Variants in TARS1 observed in about 807,000 individuals in gnomAD.
TARS1 encodes the protein threonyl-tRNA synthetase 1.
A neutral mutation model predicts 97.7 loss-of-function variants in TARS1; 57 were observed. That is an observed-to-expected ratio of 0.58 (90% CI 0.47 to 0.73). TARS1 has a LOEUF of 0.73. TARS1 is among the 30% of genes least tolerant of loss of function. TARS1 has a pLI of 0.00. For missense variants in TARS1, 806 were observed against 888.3 expected (o/e 0.91, Z 1.18); for synonymous variants, 312 against 293.7 (o/e 1.06, Z -0.64).
At position 33,466,966 on chromosome 5, in the gene TARS1, A is replaced by AC; in HGVS notation, c.2005dup (p.Gln669ProfsTer3). The AC allele has an allele frequency of 6.3e-7, 1 of 1,578,724 alleles. No individual in the cohort carries two copies. The highest frequency in any genetic ancestry group is 1.2e-5 in the South Asian group (1 of 85,388). ...AAAAGATTCGAAATGCACAGTTAGC[A>AC]CAGTATAACTTCATTTTAGGTAAGA... On this transcript the variant is annotated frameshift_variant, in exon 18 of 19. Transcript: ENST00000265112. LOFTEE classifies it low-confidence loss of function (END_TRUNC).
intron 10 of TARS1, among the ~76,000 whole-genome samples, chr5:33,458,942 A>G (rs1477128456): frequency 6.6e-6 from 1 of 152,164 alleles, no homozygotes; most frequent in Non-Finnish European, 1.5e-5. Flanking sequence ...CTTTGAAAAA[A>G]CGGTTTTTAC....
intron 1 of TARS1, among the ~76,000 whole-genome samples, chr5:33,442,596 T>TGCGATC (rs1031631700): frequency 1.3e-5 from 2 of 152,074 alleles, no homozygotes; most frequent in Non-Finnish European, 2.9e-5. Flanking sequence ...AGTGCCGTGG[T>TGCGATC]GCGATCTCGG....
In TARS1 at chr5:33,449,428, T is replaced by C. The variant is rs1741605060; in HGVS notation, c.329+697T>C. ...ATGTCCTGAAAGCGAAAAATAAAAA[T>C]GATTCTTTTTTTCTTTCTTTTTTTT... On this transcript the variant is annotated intron_variant, in intron 3 of 18. Transcript: ENST00000265112. 3.4e-5 allele frequency among the ~76,000 whole-genome samples: 5 copies of C among 146,822 alleles called. No individual in the cohort carries two copies. In the South Asian group the frequency reaches 1.1e-3, roughly 32 times the overall value.
Position 33,455,041 on chromosome 5 carries a change from T to A in TARS1, c.550T>A (p.Tyr184Asn). 6.2e-7 allele frequency: 1 copy of A among 1,613,822 alleles called. No individual in the cohort carries two copies. The highest frequency in any genetic ancestry group is 8.5e-7 in the Non-Finnish European group (1 of 1,179,858). Reference protein sequence around the residue: ...CYGPPIENGFYYDMYLEEGGV... With the variant: ...CYGPPIENGFNYDMYLEEGGV... ...CGGTCCGCCAATAGAAAATGGATTC[T>A]ATTATGACATGTACCTCGAAGAAGG... The change falls in exon 5 of 19, where the codon TAT becomes AAT. Residue 184 changes from tyrosine to asparagine, a missense_variant. Physicochemically the swap from Tyr to Asn is moderately radical, Grantham distance 143. This residue lies in a region of TARS1 where 356 missense variants were observed against 357.8 expected (regional missense o/e 0.99). Coordinates refer to ENST00000265112, the MANE Select transcript of TARS1 (RefSeq NM_152295.5).
intron 10 of TARS1, among the ~76,000 whole-genome samples, chr5:33,458,967 T>C (rs1742165817): frequency 6.6e-6 from 1 of 152,216 alleles, no homozygotes; most frequent in Admixed American, 6.5e-5. Context: ...CTTTTTTCCT[T>C]TGTAAATTAT....
chr5:33,451,150 T>C (rs1359831595), intron 3 of TARS1, among the ~76,000 whole-genome samples: 3 of 152,122 alleles, frequency 2.0e-5, no homozygotes, highest in Non-Finnish European at 4.4e-5. Flanking sequence ...ACATAAAACA[T>C]TGATGGGCTT....
At chr5:33,452,678 C>T (rs2111957614) in intron 3 of TARS1, among the ~76,000 whole-genome samples, 1 of 152,186 alleles carries the variant, frequency 6.6e-6, no homozygotes, top group Non-Finnish European at 1.5e-5. Flanking sequence ...TAGGCATTTG[C>T]AGAATTTATT....
At chr5:33,466,815 A>T in intron 17 of TARS1, 56 bp from the exon 18 acceptor site, 1 of 1,272,392 alleles carries the variant, frequency 7.9e-7, no homozygotes, top group Non-Finnish European at 1.1e-6. Flanking sequence ...ATCATGTGAG[A>T]TCAAAATATA....
Position 33,455,620 on chromosome 5 carries a change from G to T in TARS1, c.609G>T (p.Glu203Asp). 6.2e-7 allele frequency: 1 copy of T among 1,612,778 alleles called. No individual in the cohort carries two copies. Among genetic ancestry groups the T allele is most frequent in the Non-Finnish European group, 8.5e-7 (1 of 1,179,146 alleles). ...GVSSNDFSSL[E>D]ALCKKIIKEK... ...CTAGCAATGATTTCTCTTCTCTGGA[G>T]GCTTTGTGTAAGAAAATCATTAAAG... Residue 203 changes from glutamate (E) to aspartate (D), a missense_variant, in exon 6 of 19, where the codon GAG becomes GAT. Around this residue, in one of 3 missense-constraint regions of TARS1, gnomAD observed 356 missense variants for 357.8 expected, o/e 0.99. Coordinates refer to ENST00000265112, the MANE Select transcript of TARS1 (RefSeq NM_152295.5).
intron 10 of TARS1, among the ~76,000 whole-genome samples, chr5:33,459,054 T>G (rs896211759): frequency 6.6e-6 from 1 of 152,206 alleles, no homozygotes; most frequent in Admixed American, 6.5e-5. Flanking sequence ...TTAACAAATA[T>G]TCACATTGGG....
rs546588359 is a variant in TARS1 at position 33,466,905 on chromosome 5, C to G, written c.1943C>G (p.Ala648Gly). The G allele has an allele frequency of 6.2e-7, 1 of 1,602,404 alleles. No homozygotes were observed. Among genetic ancestry groups the G allele is most frequent in the African/African-American group, 1.3e-5 (1 of 74,156 alleles). ...CAATTCCACGATGCCAAATTCATGGCAGACATTGATCTGGATCCAGGCTGT... is the reference window on the plus strand; with the variant it reads ...CAATTCCACGATGCCAAATTCATGGGAGACATTGATCTGGATCCAGGCTGT... ...RQQFHDAKFM[A>G]DIDLDPGCTL... The change falls in exon 18 of 19, where the codon GCA (alanine) becomes GGA (glycine). Residue 648 changes from alanine (A) to glycine (G), a missense_variant. Physicochemically the swap from Ala to Gly is moderately conservative, Grantham distance 60. This residue lies in a region of TARS1 where 446 missense variants were observed against 511.0 expected (regional missense o/e 0.87). Coordinates refer to ENST00000265112, the MANE Select transcript of TARS1 (RefSeq NM_152295.5).
rs781302514 is a variant in TARS1 at position 33,453,310 on chromosome 5, C to T, written c.351C>T (p.Thr117=). The part of the protein sequence containing the change: ...CGISQGLADN[T]VIAKVNNVVW... Reference sequence around the variant, plus strand: ...TAAGTCAAGGCCTGGCCGACAACACCGTTATTGCTAAAGTAAATAATGTTG... The same window carrying T: ...TAAGTCAAGGCCTGGCCGACAACACTGTTATTGCTAAAGTAAATAATGTTG... Residue 117 remains threonine, a synonymous_variant, in exon 4 of 19, where the codon ACC becomes ACT. Transcript: ENST00000265112. 17 of 1,595,034 alleles carry T rather than the reference C, an allele frequency of 1.1e-5. No homozygotes were observed. Among genetic ancestry groups the T allele is most frequent in the Non-Finnish European group, 1.3e-5 (15 of 1,172,962 alleles).
chr5:33,463,836 G>T lies in TARS1; in HGVS notation c.1908+11G>T. The T allele has an allele frequency of 1.9e-6, 3 of 1,604,556 alleles. No individual in the cohort carries two copies. Among genetic ancestry groups the T allele is most frequent in the Non-Finnish European group, 2.6e-6 (3 of 1,173,652 alleles). Reference sequence around the variant, plus strand: ...GAATATGCCCAAAAGGTAAGCCTTAGATATGAATTTTCTTTCAATTTAACA... The same window carrying T: ...GAATATGCCCAAAAGGTAAGCCTTATATATGAATTTTCTTTCAATTTAACA... On this transcript the variant is annotated intron_variant, in intron 17 of 18. Transcript: ENST00000265112.
intron 10 of TARS1, among the ~76,000 whole-genome samples, chr5:33,459,387 A>C (rs1742182787): frequency 6.6e-6 from 1 of 152,158 alleles, no homozygotes; most frequent in Non-Finnish European, 1.5e-5. Context: ...AATCAAGTTT[A>C]TTTTCACTTG....
At chr5:33,446,906 A>G in intron 2 of TARS1, 1 of 412,226 alleles carries the variant, frequency 2.4e-6, no homozygotes, top group Admixed American at 3.9e-5. Flanking sequence ...ATTGAAGGTT[A>G]TGGACCGTTG....
chr5:33,444,750 A>G (rs545536912), intron 1 of TARS1, among the ~76,000 whole-genome samples: 1 of 152,288 alleles, frequency 6.6e-6, no homozygotes, highest in Non-Finnish European at 1.5e-5. Flanking sequence ...AATGCATTCC[A>G]TCCTTTAAAA....
intron 9 of TARS1, among the ~76,000 whole-genome samples, chr5:33,458,334 A>T (rs1742128129): frequency 6.6e-6 from 1 of 152,198 alleles, no homozygotes; most frequent in Non-Finnish European, 1.5e-5. Flanking sequence ...ACTTGACTGG[A>T]TTGAGGAATA....
chr5:33,441,301 C>T (rs556512534), intron 1 of TARS1, 158 bp downstream of exon 1: 1 of 730,848 alleles, frequency 1.4e-6, no homozygotes, highest in Admixed American at 2.5e-5. Context: ...GTCGGAACCC[C>T]CTTTGGGAAC....
In TARS1 at chr5:33,467,592, G is replaced by A. The variant is rs878920949; in HGVS notation, c.2056G>A (p.Val686Ile). 1 of 1,613,348 alleles carries A rather than the reference G, an allele frequency of 6.2e-7. No homozygotes were observed. Among genetic ancestry groups the A allele is most frequent in the Non-Finnish European group, 8.5e-7 (1 of 1,179,720 alleles). Residue 686 changes from valine to isoleucine, a missense_variant, in exon 19 of 19, where the codon GTT becomes ATT. This residue lies in a region of TARS1 where 446 missense variants were observed against 511.0 expected (regional missense o/e 0.87). Transcript: ENST00000265112. The stretch of plus-strand genomic sequence containing the variant: ...TGAAAAAGAGAAAATCAGTGGCACT[G>A]TTAATATCCGCACAAGAGACAATAA... ...VGEKEKISGT[V>I]NIRTRDNKVH...
Sources: allele counts gnomAD v4.1 joint callset (sites outside exome capture counted in the v4.1 genomes callset), GRCh38; gene constraint gnomAD v4.1.1; regional missense constraint gnomAD v4.1.1; transcripts MANE v1.5; gene names NCBI Gene and HGNC (gene_info 2026-07-23, HGNC 2026-07-21).